Variants in XPO5 observed in about 807,000 individuals in gnomAD.
XPO5 encodes the protein exportin-5.
In XPO5, 46 loss-of-function variants were observed where a neutral mutation model predicts 160.6. The ratio of observed to expected loss-of-function variants is 0.29; its 90% confidence interval spans 0.23 to 0.37. XPO5 has a LOEUF of 0.37. Among genes scored for constraint, XPO5 ranks in the 10% least tolerant of loss-of-function variants. XPO5 has a pLI of 1.00. For missense variants in XPO5, 1,090 were observed against 1,463.9 expected, an observed-to-expected ratio of 0.74 and a Z score of 4.17; for synonymous variants, 537 against 519.3, an observed-to-expected ratio of 1.03 and a Z score of -0.46.
intron 20 of XPO5, among the ~76,000 whole-genome samples, chr6:43,541,423 A>G (rs74918970): frequency 6.6e-6 from 1 of 152,378 alleles, no homozygotes; most frequent in Non-Finnish European, 1.5e-5. Context: ...TTAAAAAACT[A>G]ACAAAAAACA....
At chr6:43,538,770 TCTTTTTTTTTTTCCCACG>T (rs1373661409) in intron 20 of XPO5, 1 of 651,490 alleles carries the variant, frequency 1.5e-6, no homozygotes, top group Non-Finnish European at 2.5e-6. Flanking sequence ...ACTACATTTT[TCTTTTTTTTTTTCCCACG>T]CTTAATTCAC....
chr6:43,554,576 C>G (rs933020395), intron 13 of XPO5, among the ~76,000 whole-genome samples: 2 of 151,996 alleles, frequency 1.3e-5, no homozygotes, highest in Non-Finnish European at 2.9e-5. Flanking sequence ...AGGGGCCCAC[C>G]ACCACGCCTG....
At position 43,565,673 on chromosome 6, in the gene XPO5, G is replaced by A. The variant is rs1248629256; in HGVS notation, c.898C>T (p.Leu300Phe). 6.2e-7 allele frequency: 1 copy of A among 1,608,336 alleles called. No individual in the cohort carries two copies. The highest frequency in any genetic ancestry group is 8.5e-7 in the Non-Finnish European group (1 of 1,177,554). ...AAAGATACTCACTGTGCGGCGGAGAGTATATAATGCATGGCAACATCTCCA... is the reference window on the plus strand; with the variant it reads ...AAAGATACTCACTGTGCGGCGGAGAATATATAATGCATGGCAACATCTCCA... ...LFGDVAMHYILSAAQTADGGG... is the reference protein window; with the variant it reads ...LFGDVAMHYIFSAAQTADGGG... The change falls in exon 8 of 32, where the codon CTC (leucine) becomes TTC (phenylalanine). Residue 300 changes from leucine (L) to phenylalanine (F), a missense_variant. Transcript: ENST00000265351.
chr6:43,556,776 A>G (rs1048506198), intron 12 of XPO5, among the ~76,000 whole-genome samples: 4 of 152,220 alleles, frequency 2.6e-5, no homozygotes, highest in Non-Finnish European at 5.9e-5. Flanking sequence ...TCAAATGTCC[A>G]TCAACAGATG....
intron 28 of XPO5, 114 bp downstream of exon 28, chr6:43,525,725 A>T: frequency 9.0e-7 from 1 of 1,109,392 alleles, no homozygotes; most frequent in Non-Finnish European, 1.3e-6. Context: ...CCAGGAACTT[A>T]TGTAACAAAG....
chr6:43,553,275 C>T (rs1305797990), intron 14 of XPO5, 98 bp downstream of exon 14: 2 of 1,420,488 alleles, frequency 1.4e-6, no homozygotes, highest in Non-Finnish European at 9.3e-7. Flanking sequence ...GCATTTCAGC[C>T]TGAGCAACAG....
At chr6:43,565,532 T>TC (rs1762653259) in intron 8 of XPO5, 128 bp downstream of exon 8, 1 of 823,020 alleles carries the variant, frequency 1.2e-6, no homozygotes, top group South Asian at 2.0e-5. Flanking sequence ...GCCACTGCAC[T>TC]CCAGCCTGGG....
At chr6:43,537,686 AAAC>A (rs1794421710) in intron 20 of XPO5, among the ~76,000 whole-genome samples, 1 of 152,234 alleles carries the variant, frequency 6.6e-6, no homozygotes, top group African/African-American at 2.4e-5. Flanking sequence ...AGACAAGATC[AAAC>A]AATACTCCAG....
Position 43,570,656 on chromosome 6 carries a change from A to G in XPO5, c.467T>C (p.Ile156Thr), listed in dbSNP as rs377741530. 1 of 1,612,836 alleles carries G rather than the reference A, an allele frequency of 6.2e-7. No homozygotes were observed. Among genetic ancestry groups the G allele is most frequent in the African/African-American group, 1.3e-5 (1 of 74,950 alleles). Residue 156 changes from isoleucine to threonine, a missense_variant, in exon 5 of 32, where the codon ATC becomes ACC. This residue lies in a region of XPO5 where 170 missense variants were observed against 227.0 expected (regional missense o/e 0.75). Transcript: ENST00000265351. ...TACATCCTCTGCCAGTCGCAAAAGG[A>G]TAAACATCACCAATTCTGTCTGTGT... ...GETQTELVMF[I>T]LLRLAEDVVT...
At chr6:43,557,728 A>T (rs1187595069) in intron 12 of XPO5, among the ~76,000 whole-genome samples, 1 of 141,816 alleles carries the variant, frequency 7.1e-6, no homozygotes, top group African/African-American at 2.6e-5. Flanking sequence ...CCATTAAATT[A>T]TATACTGTAT....
At chr6:43,563,795 A>G (rs1473031773) in intron 8 of XPO5, among the ~76,000 whole-genome samples, 1 of 152,246 alleles carries the variant, frequency 6.6e-6, no homozygotes, top group East Asian at 1.9e-4. Flanking sequence ...GGCACTTACC[A>G]TGAATGACTG....
chr6:43,571,061 G>C, intron 3 of XPO5, 67 bp from the exon 4 acceptor site: 1 of 1,524,146 alleles, frequency 6.6e-7, no homozygotes, highest in Non-Finnish European at 8.8e-7. Context: ...AAAAAAGCTG[G>C]GCTGTAGAGT....
chr6:43,554,105 C>T (rs987604819), intron 13 of XPO5, among the ~76,000 whole-genome samples: 7 of 152,056 alleles, frequency 4.6e-5, no homozygotes, highest in African/African-American at 1.7e-4. Flanking sequence ...TTACCAACTG[C>T]TTTTCTTTTT....
intron 11 of XPO5, among the ~76,000 whole-genome samples, chr6:43,559,967 C>A (rs763842643): frequency 1.3e-5 from 2 of 152,174 alleles, no homozygotes; most frequent in African/African-American, 2.4e-5. Flanking sequence ...CAGGTGCATA[C>A]CAACATGCCC....
At chr6:43,554,280 ATT>A (rs886875201) in intron 13 of XPO5, among the ~76,000 whole-genome samples, 2 of 142,002 alleles carry the variant, frequency 1.4e-5, no homozygotes, top group Non-Finnish European at 3.1e-5. Flanking sequence ...TAATTTTTGT[ATT>A]TTTTTTTTTT....
chr6:43,526,119 A>G (rs1206501160), intron 27 of XPO5, 198 bp from the exon 28 acceptor site: 11 of 569,806 alleles, frequency 1.9e-5, no homozygotes, highest in Admixed American at 3.2e-5. Flanking sequence ...CAAGCTGTAC[A>G]TGAGGGAAAT....
intron 1 of XPO5, 140 bp from the exon 2 acceptor site, chr6:43,573,741 G>A: frequency 2.0e-6 from 2 of 988,250 alleles, no homozygotes; most frequent in Non-Finnish European, 2.8e-6. Context: ...GAGATGGGTG[G>A]ACTACTTGAG....
At chr6:43,572,681 T>G in intron 2 of XPO5, 103 bp from the exon 3 acceptor site, 1 of 1,220,920 alleles carries the variant, frequency 8.2e-7, no homozygotes, top group Non-Finnish European at 1.2e-6. Context: ...GAGATTTCAT[T>G]AAGAAATTAT....
intron 19 of XPO5, among the ~76,000 whole-genome samples, chr6:43,546,980 G>A (rs185357664): frequency 6.6e-6 from 1 of 152,238 alleles, no homozygotes; most frequent in African/African-American, 2.4e-5. Context: ...AACTTCCCTT[G>A]CAGTAAGCTG....
Sources: allele counts gnomAD v4.1 joint callset (sites outside exome capture counted in the v4.1 genomes callset), GRCh38; gene constraint gnomAD v4.1.1; regional missense constraint gnomAD v4.1.1; transcripts MANE v1.5; gene names NCBI Gene and HGNC (gene_info 2026-07-23, HGNC 2026-07-21).